Variants in DNAH11 observed in about 807,000 individuals in gnomAD.
DNAH11 encodes the protein axonemal beta dynein heavy chain 11.
Under a neutral mutation model 526.0 loss-of-function variants are expected in DNAH11, and 442 were observed. The ratio of observed to expected loss-of-function variants is 0.84; its 90% confidence interval spans 0.78 to 0.91. The LOEUF (loss-of-function observed/expected upper bound fraction) is 0.91. DNAH11 is among the 40% of genes least tolerant of loss of function. The pLI is 0.00. For missense variants in DNAH11, 6,989 were observed against 5,448.7 expected, an observed-to-expected ratio of 1.28 and a Z score of -8.90; for synonymous variants, 2,461 against 1,935.9, an observed-to-expected ratio of 1.27 and a Z score of -7.12.
At chr7:21,791,417 C>T (rs777668990) in intron 61 of DNAH11, among the ~76,000 whole-genome samples, 4 of 152,262 alleles carry the variant, frequency 2.6e-5, no homozygotes, top group African/African-American at 4.8e-5. Flanking sequence ...TCCAACCTTT[C>T]GCAACTTGAT....
chr7:21,590,579 G>A (rs904359136), intron 12 of DNAH11, among the ~76,000 whole-genome samples: 1 of 152,148 alleles, frequency 6.6e-6, no homozygotes, highest in Non-Finnish European at 1.5e-5. Context: ...CCTAAAATAT[G>A]TACAGAGAAT....
intron 75 of DNAH11, among the ~76,000 whole-genome samples, 194 bp from the exon 76 acceptor site, chr7:21,884,097 A>T (rs761667003): frequency 6.6e-6 from 1 of 152,238 alleles, no homozygotes; most frequent in African/African-American, 2.4e-5. Flanking sequence ...TTCACTGACT[A>T]TATTAGAAGA....
intron 28 of DNAH11, among the ~76,000 whole-genome samples, chr7:21,645,083 G>C (rs1787292747): frequency 6.6e-6 from 1 of 152,172 alleles, no homozygotes; most frequent in Non-Finnish European, 1.5e-5. Context: ...CAACATTAAG[G>C]TTATTATAAT....
At chr7:21,664,069 A>C (rs569220255) in intron 30 of DNAH11, among the ~76,000 whole-genome samples, 2 of 151,530 alleles carry the variant, frequency 1.3e-5, no homozygotes, top group South Asian at 4.2e-4. Context: ...TCCCTTTTTA[A>C]GCACTTCAAT....
chr7:21,863,561 C>T (rs1282280714), intron 69 of DNAH11, among the ~76,000 whole-genome samples: 1 of 152,120 alleles, frequency 6.6e-6, no homozygotes, highest in African/African-American at 2.4e-5. Flanking sequence ...CTCTTGACCT[C>T]ATGATCTGCC....
At chr7:21,638,756 T>G (rs561558036) in intron 27 of DNAH11, among the ~76,000 whole-genome samples, 183 bp from the exon 28 acceptor site, 32 of 151,284 alleles carry the variant, frequency 2.1e-4, no homozygotes, top group African/African-American at 7.8e-4. Context: ...ACTCTTCTAC[T>G]TGGCATAATG....
chr7:21,830,459 T>C (rs1027224408), intron 65 of DNAH11, among the ~76,000 whole-genome samples: 1 of 152,222 alleles, frequency 6.6e-6, no homozygotes, highest in African/African-American at 2.4e-5. Flanking sequence ...TGGCAGTCAA[T>C]TGTTACTGAG....
intron 44 of DNAH11, among the ~76,000 whole-genome samples, chr7:21,721,171 A>G (rs1181718609): frequency 6.6e-6 from 1 of 152,064 alleles, no homozygotes; most frequent in Non-Finnish European, 1.5e-5. Context: ...CCTGAGACAG[A>G]TCTCCTCCTC....
chr7:21,786,439 C>T (rs1360706096), intron 58 of DNAH11, among the ~76,000 whole-genome samples, 185 bp from the exon 59 acceptor site: 4 of 151,980 alleles, frequency 2.6e-5, no homozygotes, highest in Non-Finnish European at 4.4e-5. Flanking sequence ...AGAGAAGTGC[C>T]CAGCAAGAAC....
At chr7:21,732,336 T>G (rs1785419275) in intron 45 of DNAH11, among the ~76,000 whole-genome samples, 1 of 152,146 alleles carries the variant, frequency 6.6e-6, no homozygotes, top group Admixed American at 6.5e-5. Flanking sequence ...AGGACACCTA[T>G]CAGATTGGGT....
chr7:21,680,890 T>C (rs1783109915), intron 30 of DNAH11, among the ~76,000 whole-genome samples: 1 of 152,256 alleles, frequency 6.6e-6, no homozygotes, highest in African/African-American at 2.4e-5. Flanking sequence ...GCTTTTACTA[T>C]GCTTTTTTGA....
At chr7:21,714,549 A>T (rs891226113) in intron 42 of DNAH11, among the ~76,000 whole-genome samples, 1 of 152,212 alleles carries the variant, frequency 6.6e-6, no homozygotes, top group African/African-American at 2.4e-5. Flanking sequence ...GTATTAATTC[A>T]TTTAATACTC....
chr7:21,777,238 G>A (rs1408428705), intron 56 of DNAH11, among the ~76,000 whole-genome samples: 2 of 152,110 alleles, frequency 1.3e-5, no homozygotes, highest in Admixed American at 6.6e-5. Context: ...AGATCCAACC[G>A]AGGTATTGGG....
At chr7:21,576,254 C>T (rs1287213556) in intron 8 of DNAH11, among the ~76,000 whole-genome samples, 1 of 152,192 alleles carries the variant, frequency 6.6e-6, no homozygotes, top group African/African-American at 2.4e-5. Context: ...AGGATTGATA[C>T]ATATTCCAAG....
intron 61 of DNAH11, among the ~76,000 whole-genome samples, chr7:21,792,073 G>T (rs1168309459): frequency 6.6e-6 from 1 of 152,108 alleles, no homozygotes; most frequent in Non-Finnish European, 1.5e-5. Context: ...GGCCTTTTTT[G>T]TGTTGAGGTA....
intron 66 of DNAH11, among the ~76,000 whole-genome samples, chr7:21,852,080 G>T (rs1304490913): frequency 6.6e-6 from 1 of 152,008 alleles, no homozygotes; most frequent in Non-Finnish European, 1.5e-5. Context: ...CTGATTCCAT[G>T]AAATTTGTGA....
chr7:21,681,520 C>T (rs1225499625), intron 30 of DNAH11, 26 bp from the exon 31 acceptor site: 4 of 1,608,078 alleles, frequency 2.5e-6, no homozygotes, highest in Non-Finnish European at 2.6e-6. Context: ...ACCCTTCTCT[C>T]CTTTTTAAAA....
Position 21,866,454 on chromosome 7 carries a change from C to A in DNAH11, c.11497-16C>A, listed in dbSNP as rs552675105. 7 of 1,600,236 alleles carry A rather than the reference C, an allele frequency of 4.4e-6. No individual in the cohort carries two copies. Among genetic ancestry groups the A allele is most frequent in the Non-Finnish European group, 6.0e-6 (7 of 1,174,234 alleles). The stretch of plus-strand genomic sequence containing the variant: ...TCGTTCACACCATTCCTACTTGTTT[C>A]CCTATCATATTACAGGCAATTGCCG... On this transcript the variant is annotated splice_polypyrimidine_tract_variant and intron_variant, in intron 70 of 81. Coordinates refer to ENST00000409508, the MANE Select transcript of DNAH11 (RefSeq NM_001277115.2).
At chr7:21,746,103 G>T (rs17145200) in intron 51 of DNAH11, among the ~76,000 whole-genome samples, 7,725 of 152,218 alleles carry the variant, frequency 0.051, 363 homozygotes, top group East Asian at 0.27. Context: ...GGTTGGATGG[G>T]TTTTACCCTG....
Sources: gnomAD v4.1 joint callset for allele counts (sites outside exome capture counted in the v4.1 genomes callset) on GRCh38, gnomAD v4.1.1 for gene constraint, MANE v1.5 for transcripts, NCBI Gene and HGNC (gene_info 2026-07-23, HGNC 2026-07-21) for gene names.